KCNJ16: variants seen among roughly 807,000 people sequenced by gnomAD.
KCNJ16 encodes potassium inwardly rectifying channel subfamily J member 16.
KCNJ16 carries 15 observed loss-of-function variants against 18.5 expected under a neutral mutation model. That is an observed-to-expected ratio of 0.81 (90% CI 0.54 to 1.25). The LOEUF is 1.25. Among genes scored for constraint, KCNJ16 ranks in the 50% most tolerant of loss-of-function variants. KCNJ16 has a pLI of 0.00. For synonymous variants in KCNJ16, 174 were observed against 186.5 expected, an observed-to-expected ratio of 0.93 and a Z score of 0.55; for missense variants, 523 against 525.7, an observed-to-expected ratio of 0.99 and a Z score of 0.05.
intron 1 of KCNJ16, among the ~76,000 whole-genome samples, chr17:70,091,372 C>G (rs149305756): frequency 6.6e-6 from 1 of 152,160 alleles, no homozygotes; most frequent in African/African-American, 2.4e-5. Context: ...ACTACAATCA[C>G]GTCTTATACA....
chr17:70,082,083 A>G (rs2143572769), intron 1 of KCNJ16, among the ~76,000 whole-genome samples: 1 of 152,320 alleles, frequency 6.6e-6, no homozygotes, highest in Non-Finnish European at 1.5e-5. Context: ...TGTAAAGATT[A>G]GTCCATCAGC....
chr17:70,131,093 G>T, intron 3 of KCNJ16, 118 bp downstream of exon 3: 1 of 1,127,484 alleles, frequency 8.9e-7, no homozygotes, highest in Non-Finnish European at 1.3e-6. Flanking sequence ...CGGAGAGAAG[G>T]GTTCAATTGT....
At chr17:70,077,296 A>C (rs200164954) in intron 1 of KCNJ16, among the ~76,000 whole-genome samples, 1 of 141,914 alleles carries the variant, frequency 7.0e-6, no homozygotes, top group Non-Finnish European at 1.6e-5. Context: ...TGGGAAGCGT[A>C]GATTTAGATA....
chr17:70,078,351 G>A (rs903530259), intron 1 of KCNJ16, among the ~76,000 whole-genome samples: 12 of 40,254 alleles, frequency 3.0e-4, no homozygotes, highest in Admixed American at 1.1e-3. Context: ...CAACAACTCC[G>A]CATAAAAAAA....
At chr17:70,113,061 A>C (rs1463509311) in intron 2 of KCNJ16, among the ~76,000 whole-genome samples, 1 of 152,202 alleles carries the variant, frequency 6.6e-6, no homozygotes, top group East Asian at 1.9e-4. Context: ...GGGAACAAAA[A>C]ATCAGTTTTA....
At chr17:70,106,914 G>A (rs1298153008) in intron 2 of KCNJ16, among the ~76,000 whole-genome samples, 1 of 152,058 alleles carries the variant, frequency 6.6e-6, no homozygotes, top group Non-Finnish European at 1.5e-5. Context: ...TTTATTAAGA[G>A]GTGGCCTCTT....
At chr17:70,101,058 G>A (rs1265134086) in intron 2 of KCNJ16, 1 of 152,168 alleles carries the variant, frequency 6.6e-6, no homozygotes, top group Non-Finnish European at 1.5e-5. Flanking sequence ...TATACATTCT[G>A]CTAACTAAGA....
Position 70,132,679 on chromosome 17 carries a change from TGCCTCATGTGGC to T in KCNJ16, c.595_606del (p.Leu199_Arg202del). The T allele has an allele frequency of 1.9e-6, 3 of 1,614,204 alleles. No individual in the cohort carries two copies. The highest frequency in any genetic ancestry group is 2.5e-6 in the Non-Finnish European group (3 of 1,180,038). The stretch of plus-strand genomic sequence containing the variant: ...TATAGGTATGAGAGATGGGAAGCTT[TGCCTCATGTGGC>T]GCATTGGTGATTTTCGGCCAAACCA... On this transcript the variant is annotated inframe_deletion, in exon 4 of 4. Transcript: ENST00000392671.
chr17:70,098,654 A>G (rs780712661), intron 1 of KCNJ16, among the ~76,000 whole-genome samples: 18 of 151,732 alleles, frequency 1.2e-4, no homozygotes, highest in Non-Finnish European at 4.4e-5. Flanking sequence ...CCCCAATTTT[A>G]TTTCTAGCAC....
intron 2 of KCNJ16, among the ~76,000 whole-genome samples, chr17:70,110,482 G>GCACACA (rs34424075): frequency 1.5e-3 from 228 of 149,876 alleles, no homozygotes; most frequent in African/African-American, 5.4e-3. Context: ...CTTCGTGCGC[G>GCACACA]CACACACACA....
intron 2 of KCNJ16, among the ~76,000 whole-genome samples, chr17:70,105,690 C>T (rs549659101): frequency 9.2e-5 from 14 of 152,210 alleles, no homozygotes; most frequent in African/African-American, 3.4e-4. Context: ...TATAAAAGCA[C>T]GGGGCTTTCG....
rs1173280296 is a variant in KCNJ16 at position 70,103,296 on chromosome 17, GTA to G, written c.-191+2555_-191+2556del. ...ATATAATATGCATATATGTGTGTGT[GTA>G]TATATATATATATATATATATATAC... is the stretch of plus-strand genomic sequence containing the variant. On this transcript the variant is annotated intron_variant, in intron 2 of 3. Coordinates refer to ENST00000392671, the MANE Select transcript of KCNJ16 (RefSeq NM_170741.4). Among the ~76,000 whole-genome samples, 251 of 72,030 alleles carry G rather than the reference GTA, an allele frequency of 3.5e-3. 2 individuals are homozygous for G. Among genetic ancestry groups the G allele is most frequent in the African/African-American group, 9.0e-3 (202 of 22,492 alleles). 47.3% of individuals were successfully genotyped at this position (72,030 alleles called of 152,430 possible).
intron 2 of KCNJ16, among the ~76,000 whole-genome samples, chr17:70,122,670 A>G (rs1022015375): frequency 6.6e-6 from 1 of 152,162 alleles, no homozygotes; most frequent in African/African-American, 2.4e-5. Flanking sequence ...GAAAGGCAAA[A>G]TAACAATCCT....
In KCNJ16 at chr17:70,132,680, G is replaced by A. The variant is rs750540073; in HGVS notation, c.593G>A (p.Cys198Tyr). Residue 198 changes from cysteine (C) to tyrosine (Y), a missense_variant, in exon 4 of 4, where the codon TGC becomes TAC. By Grantham distance (194) the Cys-to-Tyr change is radical. Coordinates refer to ENST00000392671, the MANE Select transcript of KCNJ16 (RefSeq NM_170741.4). Reference sequence around the variant, plus strand: ...ATAGGTATGAGAGATGGGAAGCTTTGCCTCATGTGGCGCATTGGTGATTTT... The same window carrying A: ...ATAGGTATGAGAGATGGGAAGCTTTACCTCATGTGGCGCATTGGTGATTTT... ...ALIGMRDGKL[C>Y]LMWRIGDFRP... is the part of the protein sequence containing the mutation. 1.7e-5 allele frequency: 27 copies of A among 1,614,076 alleles called. No homozygotes were observed. Among genetic ancestry groups the A allele is most frequent in the Non-Finnish European group, 2.2e-5 (26 of 1,180,040 alleles).
intron 1 of KCNJ16, among the ~76,000 whole-genome samples, chr17:70,078,804 C>T (rs2071423450): frequency 6.6e-6 from 1 of 152,110 alleles, no homozygotes; most frequent in Non-Finnish European, 1.5e-5. Flanking sequence ...AATTAGCACA[C>T]CAACCAATCA....
chr17:70,109,533 C>G (rs565133289), intron 2 of KCNJ16, among the ~76,000 whole-genome samples: 1 of 151,792 alleles, frequency 6.6e-6, no homozygotes, highest in South Asian at 2.1e-4. Context: ...TCCTAACTTC[C>G]CCAACACTGG....
At chr17:70,109,886 T>A (rs1456572051) in intron 2 of KCNJ16, among the ~76,000 whole-genome samples, 1 of 152,170 alleles carries the variant, frequency 6.6e-6, no homozygotes, top group Non-Finnish European at 1.5e-5. Context: ...TCTGCTAGCA[T>A]GGAGCTGTGA....
At chr17:70,131,367 TA>T (rs1464145731) in intron 3 of KCNJ16, 3 of 1,043,764 alleles carry the variant, frequency 2.9e-6, no homozygotes, top group Non-Finnish European at 3.5e-6. Context: ...AAGGTGGAGT[TA>T]GGGGGAAATG....
chr17:70,128,886 A>C (rs1203643210), intron 2 of KCNJ16: 1 of 152,248 alleles, frequency 6.6e-6, no homozygotes. Context: ...GCACCAAATG[A>C]GTATGCGGCA....
Sources: allele counts gnomAD v4.1 joint callset (sites outside exome capture counted in the v4.1 genomes callset), GRCh38; gene constraint gnomAD v4.1.1; transcripts MANE v1.5; gene names NCBI Gene and HGNC (gene_info 2026-07-23, HGNC 2026-07-21).